The following ESRRG variants were observed in gnomAD, a reference collection of about 807,000 sequenced individuals.
ESRRG encodes estrogen-related receptor gamma.
In ESRRG, 13 loss-of-function variants were observed where a neutral mutation model predicts 44.0. The observed-to-expected ratio is 0.30, with a 90% CI of 0.19 to 0.47. ESRRG has a LOEUF of 0.47. ESRRG is among the 20% of genes least tolerant of loss of function. The probability of loss-of-function intolerance (pLI) is 1.00; values close to 1 mark genes in which losing one functional copy is unlikely to be tolerated. For missense variants in ESRRG, 395 were observed against 580.6 expected (o/e 0.68, Z 3.29); for synonymous variants, 215 against 214.6 (o/e 1.00, Z -0.02).
chr1:217,062,873 T>C (rs566675730), intron 1 of ESRRG, among the ~76,000 whole-genome samples: 1 of 152,294 alleles, frequency 6.6e-6, no homozygotes, highest in African/African-American at 2.4e-5. Context: ...CTGGTGAAGA[T>C]GGCAATAAAA....
chr1:216,810,061 C>T (rs1338552235), intron 2 of ESRRG, among the ~76,000 whole-genome samples: 12 of 152,130 alleles, frequency 7.9e-5, no homozygotes, highest in Non-Finnish European at 8.8e-5. Context: ...CACTATGACA[C>T]AGCTACACAC....
intron 1 of ESRRG, among the ~76,000 whole-genome samples, chr1:216,699,561 G>A (rs1171215474): frequency 6.6e-6 from 1 of 152,122 alleles, no homozygotes; most frequent in Admixed American, 6.5e-5. Context: ...AGAATGATAA[G>A]TGGCTCATTC....
At chr1:216,840,900 A>T (rs567801629) in intron 2 of ESRRG, among the ~76,000 whole-genome samples, 1 of 152,206 alleles carries the variant, frequency 6.6e-6, no homozygotes, top group Non-Finnish European at 1.5e-5. Context: ...ATAGATCACC[A>T]TACAAGATAT....
chr1:216,662,326 AG>A (rs1223281725), intron 2 of ESRRG, among the ~76,000 whole-genome samples: 1 of 152,146 alleles, frequency 6.6e-6, no homozygotes, highest in Non-Finnish European at 1.5e-5. Context: ...GAGAAGCAAA[AG>A]CAAACAAACC....
intron 1 of ESRRG, among the ~76,000 whole-genome samples, chr1:216,702,743 C>T (rs1441315840): frequency 6.8e-6 from 1 of 147,542 alleles, no homozygotes; most frequent in Admixed American, 6.9e-5. Context: ...CGCCACTGCA[C>T]TCCAGCCTGG....
intron 1 of ESRRG, among the ~76,000 whole-genome samples, chr1:216,992,266 T>C (rs1045203298): frequency 2.6e-5 from 4 of 152,230 alleles, no homozygotes; most frequent in African/African-American, 9.6e-5. Context: ...GAAAGTCTTA[T>C]TCACTAATGG....
chr1:216,946,000 T>A (rs759829668), intron 1 of ESRRG, among the ~76,000 whole-genome samples: 2 of 152,182 alleles, frequency 1.3e-5, no homozygotes, highest in Non-Finnish European at 2.9e-5. Flanking sequence ...TAAGGAAATA[T>A]GGGAGGAGGA....
At chr1:216,925,940 ACT>A (rs896148535) in intron 2 of ESRRG, among the ~76,000 whole-genome samples, 15 of 150,926 alleles carry the variant, frequency 9.9e-5, no homozygotes, top group African/African-American at 3.7e-4. Flanking sequence ...ACAGAGCTAG[ACT>A]CTGTCTCCAG....
At chr1:216,663,785 T>C (rs2073169749) in intron 2 of ESRRG, among the ~76,000 whole-genome samples, 1 of 151,926 alleles carries the variant, frequency 6.6e-6, no homozygotes, top group South Asian at 2.1e-4. Context: ...AGCCTCTTTC[T>C]TCCTAAAATA....
At chr1:217,114,585 T>C (rs1229556601) in intron 1 of ESRRG, among the ~76,000 whole-genome samples, 2 of 152,074 alleles carry the variant, frequency 1.3e-5, no homozygotes, top group East Asian at 3.9e-4. Flanking sequence ...TAACTGAACC[T>C]AAATTCAGTT....
intron 1 of ESRRG, among the ~76,000 whole-genome samples, chr1:216,968,701 CTT>C (rs3072232): frequency 2.3e-4 from 32 of 141,876 alleles, no homozygotes; most frequent in Admixed American, 6.3e-4. Context: ...TAGTATGGGT[CTT>C]TTTTTTTTTT....
intron 5 of ESRRG, among the ~76,000 whole-genome samples, chr1:216,542,071 AC>A (rs1572622492): frequency 1.6e-5 from 2 of 123,678 alleles, no homozygotes; most frequent in East Asian, 4.5e-4. Flanking sequence ...TGTGTCTATG[AC>A]AGAGAGAGAG....
intron 2 of ESRRG, among the ~76,000 whole-genome samples, chr1:216,906,291 T>C (rs747959994): frequency 6.6e-6 from 1 of 152,216 alleles, no homozygotes; most frequent in African/African-American, 2.4e-5. Context: ...ATCAATGTGC[T>C]GCTGATAGTT....
chr1:217,076,223 C>A (rs1375444650), intron 1 of ESRRG, among the ~76,000 whole-genome samples: 1 of 152,090 alleles, frequency 6.6e-6, no homozygotes, highest in Non-Finnish European at 1.5e-5. Flanking sequence ...CTCTGAGCAT[C>A]TTCATTCCTG....
chr1:217,123,878 C>T (rs2092856718), intron 1 of ESRRG, among the ~76,000 whole-genome samples: 1 of 152,048 alleles, frequency 6.6e-6, no homozygotes, highest in African/African-American at 2.4e-5. Flanking sequence ...CGTAACAAAC[C>T]TGCACATCTC....
chr1:216,994,590 C>CT (rs895310120), intron 1 of ESRRG, among the ~76,000 whole-genome samples: 30 of 151,470 alleles, frequency 2.0e-4, no homozygotes, highest in African/African-American at 6.0e-4. Flanking sequence ...TCGACAACTT[C>CT]TTTTTTTTTC....
Position 216,516,636 on chromosome 1 carries a change from T to TACACACACAC in ESRRG, c.1132+2506_1132+2515dup, listed in dbSNP as rs779496209. 8.3e-3 allele frequency among the ~76,000 whole-genome samples: 1,081 copies of TACACACACAC among 130,424 alleles called. 14 individuals carry two copies. The highest frequency in any genetic ancestry group is 0.032 in the Middle Eastern group (7 of 216). 85.6% of individuals were successfully genotyped at this position (130,424 alleles called of 152,430 possible). ...TCTGGAATTCCTAAACACACACACA[T>TACACACACAC]ACACACACACACACACACACACACA... On this transcript the variant is annotated intron_variant, in intron 6 of 6. Transcript: ENST00000408911.
chr1:216,997,698 T>C (rs2076540459), intron 1 of ESRRG, among the ~76,000 whole-genome samples: 1 of 152,234 alleles, frequency 6.6e-6, no homozygotes, highest in African/African-American at 2.4e-5. Flanking sequence ...TAAATACTTT[T>C]GCTATTCTAT....
At chr1:216,968,251 A>T (rs531792532) in intron 1 of ESRRG, among the ~76,000 whole-genome samples, 1 of 152,282 alleles carries the variant, frequency 6.6e-6, no homozygotes, top group East Asian at 1.9e-4. Flanking sequence ...AATGAAATCA[A>T]TTATTTATTT....
Sources: gnomAD v4.1 joint callset for allele counts (sites outside exome capture counted in the v4.1 genomes callset) on GRCh38, gnomAD v4.1.1 for gene constraint, MANE v1.5 for transcripts, NCBI Gene and HGNC (gene_info 2026-07-23, HGNC 2026-07-21) for gene names.